The following FLT1 variants were observed in gnomAD, a reference collection of about 807,000 sequenced individuals.
FLT1 encodes the protein vascular endothelial growth factor receptor 1.
A neutral mutation model predicts 156.3 loss-of-function variants in FLT1; 49 were observed. The observed-to-expected ratio is 0.31, with a 90% CI of 0.25 to 0.40. FLT1 has a LOEUF of 0.40. Among genes scored for constraint, FLT1 ranks in the 10% least tolerant of loss-of-function variants. FLT1 has a pLI of 1.00. For missense variants in FLT1, 1,322 were observed against 1,637.2 expected, an observed-to-expected ratio of 0.81 and a Z score of 3.32; for synonymous variants, 594 against 583.8, an observed-to-expected ratio of 1.02 and a Z score of -0.25.
intron 14 of FLT1, among the ~76,000 whole-genome samples, chr13:28,358,603 A>G (rs369426358): frequency 4.9e-4 from 75 of 152,202 alleles, no homozygotes; most frequent in African/African-American, 1.6e-3. Context: ...TTGAGTATTT[A>G]CTCTGCCATC....
intron 29 of FLT1, 135 bp from the exon 30 acceptor site, chr13:28,303,503 C>T (rs972200223): frequency 9.2e-6 from 7 of 760,086 alleles, no homozygotes; most frequent in South Asian, 4.8e-5. Context: ...CCCCCCCCCC[C>T]TCAATTGCTG....
rs966 is a variant in FLT1, at chr13:28,301,652, A to C, written c.*1515T>G. On this transcript the variant is annotated 3_prime_UTR_variant, in exon 30 of 30. Transcript: ENST00000282397. ...ACTGGCTGCAGAAGGTGCAGACATC[A>C]TAAATACATAGACCCTAACTTGCAT... is the stretch of plus-strand genomic sequence containing the variant. The C allele has an allele frequency of 0.18, 41,533 of 233,006 alleles. 5,591 individuals are homozygous for C. Among genetic ancestry groups the C allele is most frequent in the African/African-American group, 0.4 (18,071 of 45,294 alleles). 14.4% of individuals were successfully genotyped at this position (233,006 alleles called of 1,614,324 possible).
intron 24 of FLT1, 65 bp from the exon 25 acceptor site, chr13:28,317,662 G>C (rs1871261416): frequency 1.0e-6 from 1 of 975,672 alleles, no homozygotes; most frequent in East Asian, 2.4e-5. Flanking sequence ...GACCAAGAGG[G>C]GACAATTCAG....
intron 15 of FLT1, among the ~76,000 whole-genome samples, chr13:28,352,281 G>C (rs1227946234): frequency 6.6e-6 from 1 of 152,164 alleles, no homozygotes; most frequent in African/African-American, 2.4e-5. Context: ...CCTTGTACCT[G>C]TAGGATTATT....
intron 3 of FLT1, among the ~76,000 whole-genome samples, chr13:28,447,817 A>G (rs2137579653): frequency 6.6e-6 from 1 of 150,642 alleles, no homozygotes; most frequent in East Asian, 1.9e-4. Context: ...AAATCTAGAT[A>G]TATTATGTAT....
At chr13:28,423,245 G>A (rs954312985) in intron 10 of FLT1, among the ~76,000 whole-genome samples, 5 of 152,156 alleles carry the variant, frequency 3.3e-5, no homozygotes, top group Admixed American at 1.3e-4. Context: ...GGAAACCAAT[G>A]AATGGGGCAG....
chr13:28,373,867 CTT>C (rs1873729707), intron 14 of FLT1, among the ~76,000 whole-genome samples: 1 of 152,122 alleles, frequency 6.6e-6, no homozygotes, highest in Non-Finnish European at 1.5e-5. Flanking sequence ...CCCCAAATCT[CTT>C]TGTATCTCTT....
At chr13:28,447,910 A>C (rs1593803101) in intron 3 of FLT1, among the ~76,000 whole-genome samples, 1 of 151,964 alleles carries the variant, frequency 6.6e-6, no homozygotes, top group South Asian at 2.1e-4. Flanking sequence ...GAACTCTTAC[A>C]ACTCAGTAAT....
intron 14 of FLT1, among the ~76,000 whole-genome samples, chr13:28,383,984 A>G (rs535587031): frequency 2.6e-5 from 4 of 152,350 alleles, no homozygotes; most frequent in Admixed American, 2.6e-4. Flanking sequence ...TGCTGGAACC[A>G]ATTTCCCACG....
chr13:28,306,911 C>T, intron 28 of FLT1, 139 bp from the exon 29 acceptor site: 1 of 688,368 alleles, frequency 1.5e-6, no homozygotes, highest in Non-Finnish European at 2.7e-6. Context: ...TGAGACAAAG[C>T]ATTTCTCTAA....
In FLT1 at chr13:28,300,410, T is replaced by C. The variant is rs564497203; in HGVS notation, c.*2757A>G. 8.6e-6 allele frequency: 2 copies of C among 233,244 alleles called. No homozygotes were observed. Among genetic ancestry groups the C allele is most frequent in the East Asian group, 1.2e-4 (2 of 16,590 alleles). The allele number at this position is 233,244 out of a possible 1,614,324, so 14.4% of individuals were successfully genotyped here. ...AATACATTCATCATGACTAGAAATA[T>C]AGGACCAAACCATGTCTGTCTTATA... On this transcript the variant is annotated 3_prime_UTR_variant, in exon 30 of 30. Transcript: ENST00000282397.
chr13:28,309,850 C>T (rs1870922368), intron 27 of FLT1, among the ~76,000 whole-genome samples: 1 of 150,742 alleles, frequency 6.6e-6, no homozygotes, highest in Non-Finnish European at 1.5e-5. Context: ...TCTTTGAGGC[C>T]TGTCACAGGT....
At chr13:28,389,753 T>A (rs1874587267) in intron 13 of FLT1, 43 bp downstream of exon 13, 2 of 1,613,890 alleles carry the variant, frequency 1.2e-6, no homozygotes, top group African/African-American at 1.3e-5. Flanking sequence ...GCTTTTAAAT[T>A]TGGAGATCCG....
At chr13:28,424,760 T>A (rs1378986920) in intron 10 of FLT1, among the ~76,000 whole-genome samples, 1 of 152,210 alleles carries the variant, frequency 6.6e-6, no homozygotes, top group African/African-American at 2.4e-5. Context: ...AATGTGCATA[T>A]ATTAGTCACC....
intron 1 of FLT1, among the ~76,000 whole-genome samples, chr13:28,476,160 T>C (rs1422976499): frequency 6.6e-6 from 1 of 152,176 alleles, no homozygotes; most frequent in Non-Finnish European, 1.5e-5. Context: ...CTGACACGCA[T>C]GCATACACTT....
At chr13:28,440,577 A>G (rs1274430528) in intron 3 of FLT1, among the ~76,000 whole-genome samples, 2 of 152,166 alleles carry the variant, frequency 1.3e-5, no homozygotes, top group African/African-American at 4.8e-5. Flanking sequence ...AATTCTGAAA[A>G]AGGGCTGAAC....
At chr13:28,315,716 C>T (rs186819342) in intron 25 of FLT1, among the ~76,000 whole-genome samples, 17 of 152,166 alleles carry the variant, frequency 1.1e-4, no homozygotes, top group African/African-American at 3.4e-4. Flanking sequence ...AGAACTTTCT[C>T]GAGATTTTCA....
chr13:28,321,718 CAG>C (rs1341624644), intron 22 of FLT1, 133 bp from the exon 23 acceptor site: 3 of 848,250 alleles, frequency 3.5e-6, no homozygotes, highest in Non-Finnish European at 5.8e-6. Context: ...TCGGTGCACA[CAG>C]AGTTACCATA....
intron 15 of FLT1, among the ~76,000 whole-genome samples, chr13:28,357,266 G>A (rs553212227): frequency 1.3e-5 from 2 of 152,004 alleles, no homozygotes; most frequent in East Asian, 1.9e-4. Context: ...GTGGCAGGGC[G>A]TAATAACACA....
Sources: allele counts gnomAD v4.1 joint callset (sites outside exome capture counted in the v4.1 genomes callset), GRCh38; gene constraint gnomAD v4.1.1; transcripts MANE v1.5; gene names NCBI Gene and HGNC (gene_info 2026-07-23, HGNC 2026-07-21).